TNRC6B: variants seen among roughly 807,000 people sequenced by gnomAD.
TNRC6B encodes the protein trinucleotide repeat-containing gene 6B protein.
A neutral mutation model predicts 203.6 loss-of-function variants in TNRC6B; 52 were observed. The ratio of observed to expected loss-of-function variants is 0.26; its 90% CI spans 0.20 to 0.32. The LOEUF (loss-of-function observed/expected upper bound fraction) is 0.32. TNRC6B is among the 10% of genes least tolerant of loss of function. The pLI is 1.00. For synonymous variants in TNRC6B, 838 were observed against 845.7 expected (o/e 0.99, Z 0.16); for missense variants, 1,923 against 2,286.2 (o/e 0.84, Z 3.24).
In TNRC6B at chr22:40,200,278, CTTTT is replaced by C. The variant is rs59067007; in HGVS notation, c.5+22159_5+22162del. On this transcript the variant is annotated intron_variant, in intron 1 of 22. Transcript: ENST00000454349. ...TTAAAATAATTTAAAAAGTAATATT[CTTTT>C]TTTTTTTTTTTTTTTTTTTTGAGAC... Among the ~76,000 whole-genome samples the C allele has an allele frequency of 3.2e-4, 24 of 75,510 alleles. 1 individual carries two copies. In the Middle Eastern group the frequency reaches 0.065, roughly 205 times the overall value. The allele number at this position is 75,510 out of a possible 152,430, so 49.5% of individuals were successfully genotyped here.
chr22:40,237,618 G>C (rs1460947667), intron 1 of TNRC6B, among the ~76,000 whole-genome samples: 1 of 152,036 alleles, frequency 6.6e-6, no homozygotes, highest in East Asian at 1.9e-4. Context: ...AGGAAGAAGT[G>C]GGGGTAGCCA....
chr22:40,145,951 G>A (rs991229204), intron 3 of TNRC6B, among the ~76,000 whole-genome samples: 1 of 152,296 alleles, frequency 6.6e-6, no homozygotes, highest in East Asian at 1.9e-4. Context: ...AAACTGTGGG[G>A]CTGGAAACGT....
At chr22:40,304,473 A>G (rs1008596578) in intron 15 of TNRC6B, among the ~76,000 whole-genome samples, 8 of 152,206 alleles carry the variant, frequency 5.3e-5, no homozygotes, top group African/African-American at 1.9e-4. Flanking sequence ...TAAAAATTAT[A>G]TTTTAGTATC....
chr22:40,064,767 C>T (rs958957202), intron 1 of TNRC6B, among the ~76,000 whole-genome samples: 3 of 152,000 alleles, frequency 2.0e-5, no homozygotes, highest in African/African-American at 7.3e-5. Context: ...TAGGCATGTG[C>T]CACCACACCC....
rs1302537182 is a variant in TNRC6B, at chr22:40,328,891, T to C, written c.*5650T>C. 6.6e-6 allele frequency: 1 copy of C among 152,542 alleles called. No homozygotes were observed. Among genetic ancestry groups the C allele is most frequent in the African/African-American group, 2.4e-5 (1 of 41,440 alleles). The allele number at this position is 152,542 out of a possible 1,614,324, so 9.4% of individuals were successfully genotyped here. On this transcript the variant is annotated 3_prime_UTR_variant, in exon 23 of 23. Coordinates refer to ENST00000454349, the MANE Select transcript of TNRC6B (RefSeq NM_001162501.2). ...TTTGAGATTTTTGTTTTTAAGTATC[T>C]ATAAGATCTTTAGAAGTGAGATAAA...
At chr22:40,188,523 C>T (rs2069233828) in intron 1 of TNRC6B, among the ~76,000 whole-genome samples, 1 of 152,128 alleles carries the variant, frequency 6.6e-6, no homozygotes, top group Non-Finnish European at 1.5e-5. Flanking sequence ...CCCTTTAATG[C>T]CTTAGTAAGG....
At chr22:40,131,298 C>G (rs1480252799) in intron 3 of TNRC6B, among the ~76,000 whole-genome samples, 1 of 151,964 alleles carries the variant, frequency 6.6e-6, no homozygotes, top group Non-Finnish European at 1.5e-5. Flanking sequence ...CAGCATCTTC[C>G]GTAACATTTT....
At chr22:40,199,960 G>A (rs1391190203) in intron 1 of TNRC6B, among the ~76,000 whole-genome samples, 7 of 151,916 alleles carry the variant, frequency 4.6e-5, no homozygotes, top group Non-Finnish European at 1.0e-4. Context: ...CACCATACCC[G>A]ACTAATTTTT....
chr22:40,049,148 G>C (rs943785733), intron 1 of TNRC6B, among the ~76,000 whole-genome samples: 1 of 152,026 alleles, frequency 6.6e-6, no homozygotes, highest in African/African-American at 2.4e-5. Flanking sequence ...TTGGGAGGCT[G>C]AGGCGGGTGG....
chr22:40,158,822 G>T (rs928898479), intron 4 of TNRC6B, among the ~76,000 whole-genome samples: 1 of 152,176 alleles, frequency 6.6e-6, no homozygotes, highest in Admixed American at 6.5e-5. Context: ...GAGCAAAGGT[G>T]CTGTGTTCTT....
chr22:40,158,540 A>G (rs1302177440), intron 4 of TNRC6B, among the ~76,000 whole-genome samples: 4 of 152,166 alleles, frequency 2.6e-5, no homozygotes, highest in Non-Finnish European at 4.4e-5. Context: ...GAATCAGCTT[A>G]TTTAGGTATT....
At chr22:40,050,141 C>T (rs1174279995) in intron 1 of TNRC6B, among the ~76,000 whole-genome samples, 4 of 152,126 alleles carry the variant, frequency 2.6e-5, no homozygotes, top group East Asian at 1.9e-4. Flanking sequence ...TACTTAGTTA[C>T]GATACTGGCT....
At chr22:40,100,923 A>G (rs1372895856) in intron 1 of TNRC6B, among the ~76,000 whole-genome samples, 1 of 151,950 alleles carries the variant, frequency 6.6e-6, no homozygotes, top group Non-Finnish European at 1.5e-5. Context: ...TTGGAGGGAC[A>G]TTGTGGAAGA....
At chr22:40,184,732 G>A (rs1030942139) in intron 1 of TNRC6B, among the ~76,000 whole-genome samples, 3 of 152,156 alleles carry the variant, frequency 2.0e-5, no homozygotes, top group African/African-American at 4.8e-5. Flanking sequence ...GAAGATTTTG[G>A]AGGAGTTGGT....
chr22:40,141,291 C>T (rs1276895319), intron 3 of TNRC6B, among the ~76,000 whole-genome samples: 1 of 149,878 alleles, frequency 6.7e-6, no homozygotes, highest in Non-Finnish European at 1.5e-5. Context: ...CTGCAACCTC[C>T]ACCTCCCGGG....
intron 1 of TNRC6B, among the ~76,000 whole-genome samples, chr22:40,091,005 G>A (rs73424208): frequency 0.053 from 8,101 of 151,952 alleles, 738 homozygotes; most frequent in African/African-American, 0.19. Flanking sequence ...TTTTTGAGAC[G>A]GAGTCTCACT....
At chr22:40,310,359 A>AGCCT (rs2071158731) in intron 16 of TNRC6B, among the ~76,000 whole-genome samples, 1 of 152,212 alleles carries the variant, frequency 6.6e-6, no homozygotes, top group African/African-American at 2.4e-5. Context: ...AGCTAATCTA[A>AGCCT]GCCTGATCAG....
chr22:40,276,749 A>C (rs1022694078), intron 7 of TNRC6B: 2 of 188,292 alleles, frequency 1.1e-5, no homozygotes, highest in African/African-American at 4.7e-5. Context: ...GAGCAGCCTA[A>C]TGAAAGTGAA....
At chr22:40,112,913 G>A (rs2068352061) in intron 1 of TNRC6B, among the ~76,000 whole-genome samples, 4 of 152,194 alleles carry the variant, frequency 2.6e-5, no homozygotes, top group African/African-American at 4.8e-5. Flanking sequence ...GAGGTCAGGA[G>A]TTCAAGACAA....
Sources: gnomAD v4.1 joint callset for allele counts (sites outside exome capture counted in the v4.1 genomes callset) on GRCh38, gnomAD v4.1.1 for gene constraint, MANE v1.5 for transcripts, NCBI Gene and HGNC (gene_info 2026-07-23, HGNC 2026-07-21) for gene names.